AFF3: variants seen among roughly 807,000 people sequenced by gnomAD.
AFF3 encodes ALF transcription elongation factor 3, also known as AF4/FMR2 family member 3.
A neutral mutation model predicts 129.7 loss-of-function variants in AFF3; 32 were observed. The observed-to-expected ratio is 0.25, with a 90% CI of 0.19 to 0.33. The LOEUF is 0.33. Among genes scored for constraint, AFF3 ranks in the 10% least tolerant of loss-of-function variants. The probability of loss-of-function intolerance (pLI) is 1.00; values close to 1 mark genes in which losing one functional copy is unlikely to be tolerated. For synonymous variants in AFF3, 644 were observed against 635.4 expected, an observed-to-expected ratio of 1.01 and a Z score of -0.20; for missense variants, 1,373 against 1,592.0, an observed-to-expected ratio of 0.86 and a Z score of 2.34.
rs189183151 is a variant in AFF3 at position 99,644,984 on chromosome 2, G to T, written c.1184+4642C>A. Among the ~76,000 whole-genome samples, 3 of 152,276 alleles carry T rather than the reference G, an allele frequency of 2.0e-5. No homozygotes were observed. The South Asian group carries it at 6.2e-4, about 32-fold the overall frequency. On this transcript the variant is annotated intron_variant, in intron 13 of 24. Coordinates refer to ENST00000672756, the MANE Select transcript of AFF3 (RefSeq NM_001386135.1). ...ACAATAAGCAGTGAATAAGTGAGAC[G>T]AATTCTGTCCCTTTGCAAACTGAGA...
chr2:100,127,204 C>T (rs373022726), intron 2 of AFF3, among the ~76,000 whole-genome samples: 29 of 152,240 alleles, frequency 1.9e-4, no homozygotes, highest in Middle Eastern at 3.4e-3. Flanking sequence ...CATGACTCAG[C>T]GGTTTAGAAA....
At chr2:100,110,256 G>C (rs1423606807) in intron 2 of AFF3, 3 of 152,146 alleles carry the variant, frequency 2.0e-5, no homozygotes, top group African/African-American at 7.2e-5. Context: ...ACCTTTTCTT[G>C]TTTAAAGGTA....
intron 7 of AFF3, among the ~76,000 whole-genome samples, chr2:99,884,956 T>C (rs1692996040): frequency 6.6e-6 from 1 of 152,142 alleles, no homozygotes; most frequent in South Asian, 2.1e-4. Context: ...AAGCCAGAAA[T>C]GTCTCCCATA....
chr2:99,765,084 T>A (rs1682900594), intron 8 of AFF3, among the ~76,000 whole-genome samples: 1 of 152,146 alleles, frequency 6.6e-6, no homozygotes. Context: ...CAGGAGAAAA[T>A]GCACGTTACT....
chr2:99,943,074 G>A (rs994333203), intron 7 of AFF3, among the ~76,000 whole-genome samples: 2 of 152,086 alleles, frequency 1.3e-5, no homozygotes, highest in South Asian at 2.1e-4. Flanking sequence ...ATGGCCATAC[G>A]AAAGCTCACT....
intron 8 of AFF3, among the ~76,000 whole-genome samples, chr2:99,770,332 G>A (rs914066960): frequency 4.6e-5 from 7 of 152,076 alleles, no homozygotes; most frequent in African/African-American, 1.4e-4. Context: ...AGGCCCCTCA[G>A]TCAAGTCGTG....
intron 8 of AFF3, among the ~76,000 whole-genome samples, chr2:99,789,038 A>G (rs951579716): frequency 2.6e-5 from 4 of 152,246 alleles, no homozygotes; most frequent in Admixed American, 2.0e-4. Context: ...TGTTCACAAA[A>G]CAATGAAATG....
chr2:100,025,409 C>T (rs560143171), intron 4 of AFF3, among the ~76,000 whole-genome samples: 11 of 152,212 alleles, frequency 7.2e-5, no homozygotes, highest in Non-Finnish European at 8.8e-5. Context: ...ATGACACAAA[C>T]AAATGGAAAC....
At chr2:99,660,970 T>C (rs971015967) in intron 12 of AFF3, among the ~76,000 whole-genome samples, 2 of 152,014 alleles carry the variant, frequency 1.3e-5, no homozygotes, top group African/African-American at 2.4e-5. Context: ...CGGAGAAGCT[T>C]TGGAAAAAGA....
chr2:99,869,632 C>T (rs145170189), intron 7 of AFF3, among the ~76,000 whole-genome samples: 1 of 152,236 alleles, frequency 6.6e-6, no homozygotes, highest in East Asian at 1.9e-4. Context: ...CACTATTGTG[C>T]GTCCTTTCAA....
At chr2:100,045,398 C>T (rs534740868) in intron 4 of AFF3, among the ~76,000 whole-genome samples, 2 of 152,256 alleles carry the variant, frequency 1.3e-5, no homozygotes, top group East Asian at 1.9e-4. Context: ...CAGCAGCTCC[C>T]GTGACTGCGT....
chr2:99,589,744 G>A (rs1016939984), intron 15 of AFF3, among the ~76,000 whole-genome samples: 11 of 152,100 alleles, frequency 7.2e-5, no homozygotes, highest in African/African-American at 2.4e-4. Context: ...TTCAGAGAAA[G>A]TAAGGTCACC....
chr2:100,008,738 T>A, intron 5 of AFF3, 74 bp downstream of exon 5: 1 of 1,536,378 alleles, frequency 6.5e-7, no homozygotes. Flanking sequence ...GCCAATTCTT[T>A]TAGTCAAGGC....
In AFF3 at chr2:99,918,198, T is replaced by C. The variant is rs139250431; in HGVS notation, c.874-80674A>G. On this transcript the variant is annotated intron_variant, in intron 7 of 24. Transcript: ENST00000672756. ...CCCTGGCTTGCCCTTTGTATTGATG[T>C]ATATCTTCTGATTATAAGAATGGTA... 6.2e-3 allele frequency among the ~76,000 whole-genome samples: 944 copies of C among 152,312 alleles called. 6 individuals are homozygous for C. The highest frequency in any genetic ancestry group is 0.011 in the Non-Finnish European group (735 of 68,026).
At chr2:99,612,190 A>G (rs1680999368) in intron 13 of AFF3, among the ~76,000 whole-genome samples, 1 of 152,228 alleles carries the variant, frequency 6.6e-6, no homozygotes, top group South Asian at 2.1e-4. Context: ...AAGTGCATTA[A>G]CATCTTGTCC....
chr2:99,944,924 CTT>C (rs1373931611), intron 7 of AFF3, among the ~76,000 whole-genome samples: 1 of 152,152 alleles, frequency 6.6e-6, no homozygotes, highest in Non-Finnish European at 1.5e-5. Flanking sequence ...AAAAAACAGA[CTT>C]AGAGAAAATG....
chr2:99,794,493 G>A lies in AFF3; in HGVS notation c.922-42192C>T, dbSNP rs151272001. ...GAATTTAAATGTATCTTTGCTGTAT[G>A]TGAGTTCTGGGGATTGTTCATCTAG... On this transcript the variant is annotated intron_variant, in intron 8 of 24. Coordinates refer to ENST00000672756, the MANE Select transcript of AFF3 (RefSeq NM_001386135.1). Among the ~76,000 whole-genome samples, 1,062 of 152,172 alleles carry A rather than the reference G, an allele frequency of 7.0e-3. 11 individuals are homozygous for A. The highest frequency in any genetic ancestry group is 0.024 in the African/African-American group (1,001 of 41,520).
At chr2:99,841,314 G>A (rs1334209296) in intron 7 of AFF3, among the ~76,000 whole-genome samples, 2 of 152,154 alleles carry the variant, frequency 1.3e-5, no homozygotes, top group Admixed American at 1.3e-4. Context: ...TCTCATCACT[G>A]GAGACATAGA....
chr2:99,785,574 C>T (rs1179530292), intron 8 of AFF3, among the ~76,000 whole-genome samples: 1 of 152,072 alleles, frequency 6.6e-6, no homozygotes, highest in Non-Finnish European at 1.5e-5. Context: ...ATTTTTATTT[C>T]CCCTTAGATT....
Sources: allele counts gnomAD v4.1 joint callset (sites outside exome capture counted in the v4.1 genomes callset), GRCh38; gene constraint gnomAD v4.1.1; transcripts MANE v1.5; gene names NCBI Gene and HGNC (gene_info 2026-07-23, HGNC 2026-07-21).